Variants in ZBTB40 observed in about 807,000 individuals in gnomAD.
ZBTB40 encodes zinc finger and BTB domain containing 40, also known as zinc finger and BTB domain-containing protein 40.
A neutral mutation model predicts 117.5 loss-of-function variants in ZBTB40; 60 were observed. That is an observed-to-expected ratio of 0.51 (90% CI 0.41 to 0.63). ZBTB40 has a LOEUF of 0.63. Ranked by LOEUF, ZBTB40 falls within the 30% of genes least tolerant of loss-of-function variation. The pLI, the probability that ZBTB40 is intolerant of heterozygous loss-of-function variation, is 0.00. For synonymous variants in ZBTB40, 525 were observed against 577.1 expected (o/e 0.91, Z 1.29); for missense variants, 1,287 against 1,498.5 (o/e 0.86, Z 2.33).
chr1:22,477,648 CAAA>C (rs773354092), intron 1 of ZBTB40, among the ~76,000 whole-genome samples: 7 of 66,742 alleles, frequency 1.0e-4, no homozygotes, highest in Admixed American at 1.7e-4. Flanking sequence ...GACTCTGTCT[CAAA>C]AAAAAAAAAA....
chr1:22,433,449 A>AAAAAAAAAG (rs1640626989), intron 1 of ZBTB40, among the ~76,000 whole-genome samples: 1 of 141,546 alleles, frequency 7.1e-6, no homozygotes, highest in Non-Finnish European at 1.6e-5. Context: ...AAAAAAAAAA[A>AAAAAAAAAG]AAAAAAAAGA....
At chr1:22,503,374 T>G (rs930444721) in intron 5 of ZBTB40, among the ~76,000 whole-genome samples, 2 of 148,312 alleles carry the variant, frequency 1.3e-5, no homozygotes, top group African/African-American at 5.2e-5. Flanking sequence ...GATAACTATG[T>G]TTGTTGGTGT....
Position 22,502,280 on chromosome 1 carries a change from C to A in ZBTB40, c.1025-19C>A, listed in dbSNP as rs774870550. The stretch of plus-strand genomic sequence containing the variant: ...ATTGACTAGCTTCTCTTGTGTGTCT[C>A]TAACTCTTTCTCCCCCAGGGAGCAC... On this transcript the variant is annotated intron_variant, in intron 4 of 17. Transcript: ENST00000375647. 2.5e-6 allele frequency: 4 copies of A among 1,611,140 alleles called. No homozygotes were observed. The highest frequency in any genetic ancestry group is 3.4e-6 in the Non-Finnish European group (4 of 1,178,650).
At chr1:22,441,566 T>C (rs995833284) in intron 1 of ZBTB40, among the ~76,000 whole-genome samples, 1 of 133,228 alleles carries the variant, frequency 7.5e-6, no homozygotes, top group African/African-American at 2.7e-5. Context: ...CACTGCAACC[T>C]CCACCTCCTG....
At chr1:22,455,786 C>T (rs1486375614) in intron 1 of ZBTB40, among the ~76,000 whole-genome samples, 1 of 151,866 alleles carries the variant, frequency 6.6e-6, no homozygotes, top group African/African-American at 2.4e-5. Flanking sequence ...ACGAGCCACA[C>T]TTTGGCAACA....
intron 6 of ZBTB40, among the ~76,000 whole-genome samples, chr1:22,507,654 C>T (rs1397318425): frequency 6.6e-6 from 1 of 152,190 alleles, no homozygotes; most frequent in East Asian, 1.9e-4. Context: ...GATCGCCACA[C>T]GGATCCTCTA....
chr1:22,468,643 CTTTTTTTT>C (rs71020424), intron 1 of ZBTB40, among the ~76,000 whole-genome samples: 1,232 of 28,586 alleles, frequency 0.043, 25 homozygotes, highest in African/African-American at 0.17. Flanking sequence ...GCCTGGCTGG[CTTTTTTTT>C]TTTTTTTTTT....
At chr1:22,460,936 GCTTCTCATGTGCT>G (rs1245805064) in intron 1 of ZBTB40, among the ~76,000 whole-genome samples, 1 of 151,982 alleles carries the variant, frequency 6.6e-6, no homozygotes, top group Non-Finnish European at 1.5e-5. Context: ...CCCCTTTACT[GCTTCTCATGTGCT>G]CTTCTCACTC....
In ZBTB40 at chr1:22,513,194, G is replaced by A; in HGVS notation, c.2668+64G>A. 6.4e-7 allele frequency: 1 copy of A among 1,552,004 alleles called. No homozygotes were observed. The highest frequency in any genetic ancestry group is 8.8e-7 in the Non-Finnish European group (1 of 1,140,772). ...ACTGCGAACTGCCTAAACCCCATTT[G>A]GATTAGGTGTGATATATATCTCAAA... On this transcript the variant is annotated intron_variant, in intron 12 of 17. Coordinates refer to ENST00000375647, the MANE Select transcript of ZBTB40 (RefSeq NM_014870.4). This position sits in a 1 kb window ranked among gnomAD's most constrained non-coding sequence, Gnocchi z 4.9.
upstream of ZBTB40, among the ~76,000 whole-genome samples, chr1:22,451,508 G>A (rs1569755836): frequency 6.6e-6 from 1 of 152,068 alleles, no homozygotes; most frequent in African/African-American, 2.4e-5. Flanking sequence ...AGCAGGGCGT[G>A]GTGGCGCGCG....
chr1:22,471,089 A>G (rs529547620), intron 1 of ZBTB40, among the ~76,000 whole-genome samples: 47 of 152,372 alleles, frequency 3.1e-4, no homozygotes, highest in African/African-American at 1.1e-3. Context: ...GTTAACTTTA[A>G]GACTTTGACA....
In ZBTB40 at chr1:22,521,460, C is replaced by T. The variant is rs374194910; in HGVS notation, c.3049-36C>T. 3.1e-6 allele frequency: 5 copies of T among 1,614,056 alleles called. No individual in the cohort carries two copies. The African/African-American group carries it at 6.7e-5, about 22-fold the overall frequency. On this transcript the variant is annotated intron_variant, in intron 14 of 17. Coordinates refer to ENST00000375647, the MANE Select transcript of ZBTB40 (RefSeq NM_014870.4). ...TCGTGAGCTCTCCAGCTTGCTGGAA[C>T]TTTCTAAGACCTAACACTTGCCAAA...
chr1:22,507,689 CT>C (rs1639108104), intron 6 of ZBTB40, among the ~76,000 whole-genome samples: 1 of 152,174 alleles, frequency 6.6e-6, no homozygotes, highest in African/African-American at 2.4e-5. Flanking sequence ...AACACCCCCC[CT>C]TGAACCTGCA....
intron 11 of ZBTB40, 133 bp from the exon 12 acceptor site, chr1:22,512,791 C>T: frequency 1.9e-6 from 2 of 1,032,082 alleles, no homozygotes; most frequent in Non-Finnish European, 2.9e-6. Context: ...CCAGCGTGGC[C>T]TGGCACCCTG....
intron 1 of ZBTB40, among the ~76,000 whole-genome samples, chr1:22,441,442 T>TCTCTC (rs1640730647): frequency 6.6e-6 from 1 of 151,560 alleles, no homozygotes; most frequent in Non-Finnish European, 1.5e-5. Context: ...CTCTCTTGTT[T>TCTCTC]CTCTCTGCTT....
chr1:22,502,664 T>A (rs1638970619), intron 5 of ZBTB40, among the ~76,000 whole-genome samples: 1 of 151,934 alleles, frequency 6.6e-6, no homozygotes, highest in African/African-American at 2.4e-5. Context: ...GATGGATGGA[T>A]GGATGTGTGG....
chr1:22,525,986 T>C (rs951594599), intron 17 of ZBTB40, among the ~76,000 whole-genome samples: 1 of 152,216 alleles, frequency 6.6e-6, no homozygotes, highest in African/African-American at 2.4e-5. Flanking sequence ...TGAGCAAAAT[T>C]ATAGCAATTT....
intron 1 of ZBTB40, among the ~76,000 whole-genome samples, chr1:22,429,388 AAAAG>A (rs1432876496): frequency 2.6e-5 from 4 of 152,116 alleles, no homozygotes; most frequent in Non-Finnish European, 5.9e-5. Flanking sequence ...CTCAAAAAAA[AAAAG>A]AAAGAAATTC....
At chr1:22,467,179 T>C (rs952886498) in intron 1 of ZBTB40, among the ~76,000 whole-genome samples, 1 of 152,152 alleles carries the variant, frequency 6.6e-6, no homozygotes, top group African/African-American at 2.4e-5. Flanking sequence ...GCATAAACAT[T>C]AACATTTTTT....
Sources: allele counts gnomAD v4.1 joint callset (sites outside exome capture counted in the v4.1 genomes callset), GRCh38; gene constraint gnomAD v4.1.1; non-coding constraint Gnocchi (gnomAD v3.1); transcripts MANE v1.5; gene names NCBI Gene and HGNC (gene_info 2026-07-23, HGNC 2026-07-21).